TAOK3: variants seen among roughly 807,000 people sequenced by gnomAD.
TAOK3 encodes the protein serine/threonine-protein kinase TAO3.
In TAOK3, 40 loss-of-function variants were observed where a neutral mutation model predicts 120.4. The ratio of observed to expected loss-of-function variants is 0.33; its 90% CI spans 0.26 to 0.43. The LOEUF (loss-of-function observed/expected upper bound fraction) is 0.43, where lower values mean the gene tolerates loss of function less well. Among genes scored for constraint, TAOK3 ranks in the 20% least tolerant of loss-of-function variants. The pLI is 1.00. For synonymous variants in TAOK3, 355 were observed against 387.5 expected, an observed-to-expected ratio of 0.92 and a Z score of 0.99; for missense variants, 821 against 1,112.1, an observed-to-expected ratio of 0.74 and a Z score of 3.72.
rs1263386107 is a variant in TAOK3, at chr12:118,201,394, C to G, written c.889G>C (p.Val297Leu). Residue 297 changes from valine to leucine, a missense_variant, in exon 12 of 21, where the codon GTT becomes CTT. Physicochemically the swap from Val to Leu is conservative, Grantham distance 32. Transcript: ENST00000392533. ...IDLIQRTKDA[V>L]RELDNLQYRK... ...TACTGTAGGTTATCTAGCTCACGAA[C>G]TGCATCTTTTGTCCTCTGTATGAGG... The G allele has an allele frequency of 4.3e-6, 7 of 1,613,992 alleles. No individual in the cohort carries two copies. The highest frequency in any genetic ancestry group is 5.9e-6 in the Non-Finnish European group (7 of 1,179,988).
At chr12:118,334,137 C>CAAAAAAAA (rs57605394) in intron 1 of TAOK3, among the ~76,000 whole-genome samples, 17 of 77,606 alleles carry the variant, frequency 2.2e-4, no homozygotes, top group East Asian at 1.6e-3. Context: ...CTCCCATCTC[C>CAAAAAAAA]AAAAAAAAAA....
chr12:118,246,228 G>A (rs2040493870), intron 3 of TAOK3: 1 of 1,458,952 alleles, frequency 6.9e-7, no homozygotes, highest in East Asian at 2.3e-5. Flanking sequence ...CCGAGGCCGC[G>A]GAGCTCGCGG....
intron 17 of TAOK3, among the ~76,000 whole-genome samples, chr12:118,171,781 T>G (rs2036010699): frequency 6.6e-6 from 1 of 152,172 alleles, no homozygotes; most frequent in African/African-American, 2.4e-5. Flanking sequence ...GTCTCTACAT[T>G]CTGCTTCCAA....
At chr12:118,241,766 T>G (rs976865092) in intron 5 of TAOK3, among the ~76,000 whole-genome samples, 1 of 152,170 alleles carries the variant, frequency 6.6e-6, no homozygotes, top group Non-Finnish European at 1.5e-5. Context: ...ATCAAACCAG[T>G]TGTAGACAGA....
Position 118,238,180 on chromosome 12 carries a change from A to T in TAOK3, c.341-11T>A, listed in dbSNP as rs1204111562. 1.6e-6 allele frequency: 1 copy of T among 643,860 alleles called. No individual in the cohort carries two copies. Among genetic ancestry groups the T allele is most frequent in the East Asian group, 6.9e-5 (1 of 14,594 alleles). 39.9% of individuals were successfully genotyped at this position (643,860 alleles called of 1,614,324 possible). A position where few individuals can be genotyped will look rare whatever the true frequency, so the allele number is the denominator to read the frequency against. On this transcript the variant is annotated splice_polypyrimidine_tract_variant and intron_variant, in intron 6 of 20. Transcript: ENST00000392533. ...GTGGTTTTTTATGAACTGAGGAAGG[A>T]AAAAAAAAAAAGTCAGTAGATGATC...
At chr12:118,260,240 C>T (rs1050615291) in intron 2 of TAOK3, among the ~76,000 whole-genome samples, 30 of 152,212 alleles carry the variant, frequency 2.0e-4, no homozygotes, top group African/African-American at 6.5e-4. Context: ...GTGATCCTCC[C>T]GGCTCTGCCT....
chr12:118,161,953 C>T lies in TAOK3; in HGVS notation c.1974G>A (p.Glu658=), dbSNP rs150771877. Residue 658 remains glutamate (E), a synonymous_variant, in exon 18 of 21, where the codon GAG becomes GAA. Coordinates refer to ENST00000392533, the MANE Select transcript of TAOK3 (RefSeq NM_016281.4). The surrounding 1 kb of genome is among the most constrained non-coding windows in gnomAD (Gnocchi z 4.5). ...MLIRHDESTR[E]LEYRQLHTLQ... The stretch of plus-strand genomic sequence containing the variant: ...ACGTGTGCAGCTGCCTGTACTCTAG[C>T]TCTCGGGTGGACTCGTCGTGCCGGA... 1.2e-6 allele frequency: 2 copies of T among 1,614,188 alleles called. No homozygotes were observed. Among genetic ancestry groups the T allele is most frequent in the Non-Finnish European group, 1.7e-6 (2 of 1,180,046 alleles).
At chr12:118,312,017 T>C (rs2140863485) in intron 1 of TAOK3, among the ~76,000 whole-genome samples, 1 of 152,190 alleles carries the variant, frequency 6.6e-6, no homozygotes, top group South Asian at 2.1e-4. Flanking sequence ...GGGTGGAGAA[T>C]TGAGGAAAGT....
At position 118,165,142 on chromosome 12, in the gene TAOK3, CTTTGT is replaced by C. The variant is rs150047783; in HGVS notation, c.1900-3120_1900-3116del. On this transcript the variant is annotated intron_variant, in intron 17 of 20. Coordinates refer to ENST00000392533, the MANE Select transcript of TAOK3 (RefSeq NM_016281.4). Reference sequence around the variant, plus strand: ...CTCTCTCATCTCCTCCCGTGTTTTCCTTTGTTTTATTTTTCTTCTTTACCTAGACC... The same window carrying C: ...CTCTCTCATCTCCTCCCGTGTTTTCCTTTATTTTTCTTCTTTACCTAGACC... Among the ~76,000 whole-genome samples the C allele has an allele frequency of 2.5e-4, 38 of 152,244 alleles. No individual in the cohort carries two copies. The East Asian group carries it at 6.4e-3, about 26-fold the overall frequency.
At chr12:118,194,252 A>C (rs1311796798) in intron 13 of TAOK3, among the ~76,000 whole-genome samples, 1 of 151,370 alleles carries the variant, frequency 6.6e-6, no homozygotes, top group Non-Finnish European at 1.5e-5. Flanking sequence ...CAGACCCACC[A>C]CTCTCCTTTG....
chr12:118,285,135 C>CTA (rs1454315672), intron 1 of TAOK3, among the ~76,000 whole-genome samples: 3 of 151,658 alleles, frequency 2.0e-5, no homozygotes, highest in Non-Finnish European at 4.4e-5. Flanking sequence ...CTATATATAT[C>CTA]TATATATATA....
rs2040373930 is a variant in TAOK3, at chr12:118,244,139, T to C, written c.193-623A>G. 1.3e-5 allele frequency among the ~76,000 whole-genome samples: 2 copies of C among 152,346 alleles called. 1 individual carries two copies. The highest frequency in any genetic ancestry group is 1.3e-4 in the Admixed American group (2 of 15,304). On this transcript the variant is annotated intron_variant, in intron 4 of 20. Transcript: ENST00000392533. ...GTACAGTGTTGCAGTCACAGCTCAC[T>C]GAAGCCTCCACATCCCAGGCTCAAG...
chr12:118,190,289 T>G (rs1340987563), intron 13 of TAOK3: 1 of 170,682 alleles, frequency 5.9e-6, no homozygotes, highest in Admixed American at 6.1e-5. Flanking sequence ...ATAATTCCTT[T>G]AAAAATGTCA....
chr12:118,203,091 T>G (rs1191755927), intron 11 of TAOK3, among the ~76,000 whole-genome samples: 1 of 152,100 alleles, frequency 6.6e-6, no homozygotes, highest in East Asian at 1.9e-4. Flanking sequence ...TGTTCTATTC[T>G]TATTATAACT....
intron 1 of TAOK3, among the ~76,000 whole-genome samples, chr12:118,358,533 A>G (rs1490531288): frequency 1.3e-5 from 2 of 152,220 alleles, no homozygotes; most frequent in African/African-American, 4.8e-5. Flanking sequence ...AAGTAATAAT[A>G]TCATCCATTA....
chr12:118,173,487 G>T (rs2036132177), intron 16 of TAOK3, among the ~76,000 whole-genome samples: 1 of 152,210 alleles, frequency 6.6e-6, no homozygotes, highest in Non-Finnish European at 1.5e-5. Context: ...GGAGGCTACT[G>T]GAAAGGTCCA....
intron 2 of TAOK3, among the ~76,000 whole-genome samples, chr12:118,259,970 A>C (rs2041155044): frequency 6.6e-6 from 1 of 152,198 alleles, no homozygotes; most frequent in African/African-American, 2.4e-5. Flanking sequence ...TATAGTACCT[A>C]TAGCTCAAAA....
At chr12:118,316,883 A>T (rs374876491) in intron 1 of TAOK3, among the ~76,000 whole-genome samples, 8 of 152,318 alleles carry the variant, frequency 5.3e-5, no homozygotes, top group East Asian at 1.9e-4. Context: ...AACAATCTAT[A>T]ATAAGAGCAA....
chr12:118,280,533 T>C (rs1345375377), intron 1 of TAOK3, among the ~76,000 whole-genome samples: 1 of 152,238 alleles, frequency 6.6e-6, no homozygotes, highest in African/African-American at 2.4e-5. Flanking sequence ...CTGGGCTCTC[T>C]ATTCTGTTCC....
Sources: allele counts gnomAD v4.1 joint callset (sites outside exome capture counted in the v4.1 genomes callset), GRCh38; gene constraint gnomAD v4.1.1; non-coding constraint Gnocchi (gnomAD v3.1); transcripts MANE v1.5; gene names NCBI Gene and HGNC (gene_info 2026-07-23, HGNC 2026-07-21).